CDC16: variants seen among roughly 807,000 people sequenced by gnomAD.
CDC16 encodes cell division cycle protein 16 homolog.
A neutral mutation model predicts 87.0 loss-of-function variants in CDC16; 34 were observed. The observed-to-expected ratio is 0.39, with a 90% CI of 0.30 to 0.52. CDC16 has a LOEUF of 0.52. CDC16 is among the 20% of genes least tolerant of loss of function. CDC16 has a pLI of 0.74. For synonymous variants in CDC16, 263 were observed against 260.6 expected (o/e 1.01, Z -0.09); for missense variants, 653 against 751.9 (o/e 0.87, Z 1.54).
Position 114,236,830 on chromosome 13 carries a change from G to T in CDC16, c.135G>T (p.Gln45His), listed in dbSNP as rs8002514. The T allele has an allele frequency of 1.2e-6, 2 of 1,612,792 alleles. No homozygotes were observed. The highest frequency in any genetic ancestry group is 2.7e-5 in the African/African-American group (2 of 74,802). Reference sequence around the variant, plus strand: ...CCCAGGACATCTATTGGTTGGCTCAGTGTCTTTACCTGACAGCACAATATC... The same window carrying T: ...CCCAGGACATCTATTGGTTGGCTCATTGTCTTTACCTGACAGCACAATATC... ...EEPQDIYWLA[Q>H]CLYLTAQYHR... The change falls in exon 3 of 18, where the codon CAG becomes CAT. Residue 45 changes from glutamine to histidine, a missense_variant. Gln to His is a conservative substitution (Grantham distance 24). Coordinates refer to ENST00000356221, the MANE Select transcript of CDC16 (RefSeq NM_001078645.3).
intron 7 of CDC16, 100 bp from the exon 8 acceptor site, chr13:114,243,756 C>T: frequency 2.2e-6 from 2 of 923,286 alleles, no homozygotes; most frequent in Non-Finnish European, 3.3e-6. Context: ...CACATTTGTT[C>T]TTGTAAATGT....
rs1377251044 is a variant in CDC16 at position 114,234,919 on chromosome 13, GGTGCGGGTGTGGGTGGGGA to G, written c.-165_-147del. 2.5e-6 allele frequency: 1 copy of G among 406,546 alleles called. No homozygotes were observed. The highest frequency in any genetic ancestry group is 3.7e-5 in the East Asian group (1 of 27,162). The allele number at this position is 406,546 out of a possible 1,614,324, so 25.2% of individuals were successfully genotyped here. A position where few individuals can be genotyped will look rare whatever the true frequency, so the allele number is the denominator to read the frequency against. The stretch of plus-strand genomic sequence containing the variant: ...GGCAGTGCACGGGGCCTGGGTGGGG[GGTGCGGGTGTGGGTGGGGA>G]CCTGCGGCCTTCGAGTCCGCGGCCT... On this transcript the variant is annotated 5_prime_UTR_variant, in exon 1 of 18. Coordinates refer to ENST00000356221, the MANE Select transcript of CDC16 (RefSeq NM_001078645.3).
chr13:114,245,770 C>A, intron 9 of CDC16: 1 of 457,506 alleles, frequency 2.2e-6, no homozygotes. Flanking sequence ...GTATCCTCTG[C>A]AGTATTCGGG....
At chr13:114,243,409 G>T in intron 7 of CDC16, 61 bp downstream of exon 7, 1 of 828,004 alleles carries the variant, frequency 1.2e-6, no homozygotes, top group Non-Finnish European at 2.0e-6. Flanking sequence ...ATAAAATTTG[G>T]CATCTAGTCT....
Position 114,259,094 on chromosome 13 carries a change from T to TAAA in CDC16, c.1251-223_1251-221dup, listed in dbSNP as rs5807005. 8.2e-3 allele frequency among the ~76,000 whole-genome samples: 913 copies of TAAA among 111,424 alleles called. 16 individuals are homozygous for TAAA. Among genetic ancestry groups the TAAA allele is most frequent in the African/African-American group, 0.029 (866 of 30,236 alleles). 73.1% of individuals were successfully genotyped at this position (111,424 alleles called of 152,430 possible). On this transcript the variant is annotated intron_variant, in intron 13 of 17. Coordinates refer to ENST00000356221, the MANE Select transcript of CDC16 (RefSeq NM_001078645.3). ...AGCCTAGGTAACAGAGTGAGACTCT[T>TAAA]AAAAAAAAAAAAAAAAAAAAGGAAT...
Position 114,263,007 on chromosome 13 carries a change from T to A in CDC16, c.1505T>A (p.Phe502Tyr). Reference protein sequence around the residue: ...MGNFENAVDYFHTALGLRRDD... With the variant: ...MGNFENAVDYYHTALGLRRDD... Reference sequence around the variant, plus strand: ...AACTTTGAAAATGCTGTGGACTACTTCCACACAGTATGTCTTTTCTTTGTA... The same window carrying A: ...AACTTTGAAAATGCTGTGGACTACTACCACACAGTATGTCTTTTCTTTGTA... Residue 502 changes from phenylalanine to tyrosine, a missense_variant, in exon 16 of 18, where the codon TTC becomes TAC. Physicochemically the swap from Phe to Tyr is conservative, Grantham distance 22. Transcript: ENST00000356221. 6.2e-7 allele frequency: 1 copy of A among 1,613,764 alleles called. No homozygotes were observed. Among genetic ancestry groups the A allele is most frequent in the Non-Finnish European group, 8.5e-7 (1 of 1,179,626 alleles).
At position 114,265,159 on chromosome 13, in the gene CDC16, C is replaced by A; in HGVS notation, c.1522C>A (p.Leu508Ile). 6.2e-7 allele frequency: 1 copy of A among 1,607,764 alleles called. No homozygotes were observed. Among genetic ancestry groups the A allele is most frequent in the South Asian group, 1.1e-5 (1 of 90,916 alleles). Residue 508 changes from leucine to isoleucine, a missense_variant, in exon 17 of 18, where the codon CTT becomes ATT. Leu to Ile is a conservative substitution (Grantham distance 5). Transcript: ENST00000356221. ...GAATCTTTTATGGCAGGCCCTTGGT[C>A]TTAGGCGAGATGATACATTTTCTGT... is the stretch of plus-strand genomic sequence containing the variant. ...AVDYFHTALG[L>I]RRDDTFSVTM...
intron 17 of CDC16, among the ~76,000 whole-genome samples, chr13:114,271,633 C>G (rs1400746482): frequency 4.0e-5 from 6 of 151,784 alleles, no homozygotes; most frequent in Non-Finnish European, 1.5e-5. Context: ...CGCCACCATG[C>G]CCGGCTAATT....
chr13:114,241,636 A>G (rs569486527), intron 5 of CDC16, among the ~76,000 whole-genome samples: 4 of 152,232 alleles, frequency 2.6e-5, no homozygotes, highest in Non-Finnish European at 4.4e-5. Flanking sequence ...GGTGAATTGA[A>G]GAAGCTTTGC....
intron 5 of CDC16, 107 bp downstream of exon 5, chr13:114,239,597 T>G: frequency 7.9e-7 from 1 of 1,272,078 alleles, no homozygotes; most frequent in South Asian, 3.3e-5. Context: ...AAAACAATTG[T>G]GGTTGCCAAT....
chr13:114,242,752 T>G (rs575208892), intron 6 of CDC16: 1 of 163,214 alleles, frequency 6.1e-6, no homozygotes, highest in South Asian at 1.7e-4. Context: ...GTTGGATTAA[T>G]GGGATTCTAA....
chr13:114,255,158 C>G (rs2082419879), intron 12 of CDC16, among the ~76,000 whole-genome samples: 2 of 152,156 alleles, frequency 1.3e-5, no homozygotes, highest in Non-Finnish European at 2.9e-5. Flanking sequence ...TTTAGTATTT[C>G]TTACTGGGCA....
chr13:114,269,340 C>T (rs2083452208), intron 17 of CDC16, among the ~76,000 whole-genome samples: 1 of 152,138 alleles, frequency 6.6e-6, no homozygotes, highest in African/African-American at 2.4e-5. Flanking sequence ...CGTTCTGTTC[C>T]ATCAGTACAA....
At position 114,271,776 on chromosome 13, in the gene CDC16, T is replaced by C. The variant is rs527878433; in HGVS notation, c.1604-408T>C. Among the ~76,000 whole-genome samples the C allele has an allele frequency of 3.2e-4, 48 of 152,210 alleles. No homozygotes were observed. In the South Asian group the frequency reaches 3.7e-3, roughly 12 times the overall value. ...GATTATAGGTGTGAGCCACCGCGCC[T>C]GGCCACACAGTGCAGTTCTTACCTG... On this transcript the variant is annotated intron_variant, in intron 17 of 17. Transcript: ENST00000356221.
intron 2 of CDC16, 39 bp from the exon 3 acceptor site, chr13:114,236,760 C>G: frequency 6.2e-7 from 1 of 1,612,150 alleles, no homozygotes; most frequent in Non-Finnish European, 8.5e-7. Context: ...TCTATTTCAC[C>G]TTGTACCTCT....
At chr13:114,265,810 CTAAAG>C (rs1240541102) in intron 17 of CDC16, among the ~76,000 whole-genome samples, 4 of 140,896 alleles carry the variant, frequency 2.8e-5, no homozygotes, top group Admixed American at 2.1e-4. Context: ...CCCGTTCCTA[CTAAAG>C]TAATTTTTTT....
intron 17 of CDC16, among the ~76,000 whole-genome samples, chr13:114,269,381 G>GGGCTGTAACAGGGTGAGGT (rs539900287): frequency 0.024 from 3,709 of 152,206 alleles, 158 homozygotes; most frequent in African/African-American, 0.085. Flanking sequence ...ATGTGGGAGG[G>GGGCTGTAACAGGGTGAGGT]GGCTGTACCA....
In CDC16 at chr13:114,252,933, A is replaced by G. The variant is rs146100903; in HGVS notation, c.1097+2259A>G. Among the ~76,000 whole-genome samples the G allele has an allele frequency of 9.8e-3, 1,484 of 152,142 alleles. 22 individuals carry two copies. Among genetic ancestry groups the G allele is most frequent in the African/African-American group, 0.034 (1,410 of 41,482 alleles). ...AGGATTGCTTGAGGCCAGGAGTTTG[A>G]TACTAGCCCTGGCAACATAGTGAGA... On this transcript the variant is annotated intron_variant, in intron 12 of 17. Transcript: ENST00000356221.
rs2081277466 is a variant in CDC16 at position 114,236,885 on chromosome 13, A to C, written c.190A>C (p.Lys64Gln). 6.3e-7 allele frequency: 1 copy of C among 1,586,312 alleles called. No homozygotes were observed. The highest frequency in any genetic ancestry group is 8.6e-7 in the Non-Finnish European group (1 of 1,169,432). Residue 64 changes from lysine to glutamine, a missense_variant, in exon 3 of 18, where the codon AAA becomes CAA. Coordinates refer to ENST00000356221, the MANE Select transcript of CDC16 (RefSeq NM_001078645.3). ...AGCCGCCCATGCACTTCGGTCACGA[A>C]AACTGGACAAAGTAAGTGATGGTAT... Reference protein sequence around the residue: ...HRAAHALRSRKLDKLYEACRY... With the variant: ...HRAAHALRSRQLDKLYEACRY...
Sources: allele counts gnomAD v4.1 joint callset (sites outside exome capture counted in the v4.1 genomes callset), GRCh38; gene constraint gnomAD v4.1.1; transcripts MANE v1.5; gene names NCBI Gene and HGNC (gene_info 2026-07-23, HGNC 2026-07-21).